Variants in DYNC1I1 observed in about 807,000 individuals in gnomAD.
DYNC1I1 encodes dynein cytoplasmic 1 intermediate chain 1.
Under a neutral mutation model 86.6 loss-of-function variants are expected in DYNC1I1, and 43 were observed. The observed-to-expected ratio is 0.50, with a 90% CI of 0.39 to 0.64. The LOEUF (loss-of-function observed/expected upper bound fraction) is 0.64. Ranked by LOEUF, DYNC1I1 falls within the 30% of genes least tolerant of loss-of-function variation. The pLI, the probability that DYNC1I1 is intolerant of heterozygous loss-of-function variation, is 0.00. For synonymous variants in DYNC1I1, 262 were observed against 283.7 expected, an observed-to-expected ratio of 0.92 and a Z score of 0.77; for missense variants, 604 against 788.8, an observed-to-expected ratio of 0.77 and a Z score of 2.81.
intron 6 of DYNC1I1, among the ~76,000 whole-genome samples, chr7:95,973,394 C>T (rs185357633): frequency 6.6e-6 from 1 of 152,258 alleles, no homozygotes; most frequent in East Asian, 1.9e-4. Context: ...ATTCTGTGAC[C>T]ACTAAAAATT....
intron 10 of DYNC1I1, among the ~76,000 whole-genome samples, chr7:96,015,103 A>G (rs978359619): frequency 4.6e-5 from 7 of 152,146 alleles, no homozygotes; most frequent in Non-Finnish European, 1.0e-4. Flanking sequence ...ATTACTGGGA[A>G]ATCTGTTCCT....
At position 95,987,060 on chromosome 7, in the gene DYNC1I1, G is replaced by C. The variant is rs754041257; in HGVS notation, c.748G>C (p.Val250Leu). Reference sequence around the variant, plus strand: ...CTGATGTTTAAATCCTCCTAGGGATGTTCAGGCTGGAGCCAATCTTTCTTT... The same window carrying C: ...CTGATGTTTAAATCCTCCTAGGGATCTTCAGGCTGGAGCCAATCTTTCTTT... ...GRELEEKDGDVQAGANLSFNR... is the reference protein window; with the variant it reads ...GRELEEKDGDLQAGANLSFNR... Residue 250 changes from valine (V) to leucine (L), a missense_variant, in exon 9 of 17, where the codon GTT becomes CTT. By Grantham distance (32) the Val-to-Leu change is conservative. Transcript: ENST00000447467. The C allele has an allele frequency of 1.9e-6, 3 of 1,613,650 alleles. No homozygotes were observed. Among genetic ancestry groups the C allele is most frequent in the African/African-American group, 2.7e-5 (2 of 74,886 alleles).
chr7:95,883,506 C>T (rs1016706794), intron 6 of DYNC1I1, among the ~76,000 whole-genome samples: 1 of 152,036 alleles, frequency 6.6e-6, no homozygotes, highest in African/African-American at 2.4e-5. Flanking sequence ...ATAGTAGCCC[C>T]GAGGTAGTTT....
At chr7:96,067,055 C>T (rs866730715) in intron 14 of DYNC1I1, among the ~76,000 whole-genome samples, 6 of 152,046 alleles carry the variant, frequency 3.9e-5, no homozygotes, top group South Asian at 2.1e-4. Flanking sequence ...TTTCTGCTAA[C>T]GGCAGGAGAA....
intron 1 of DYNC1I1, among the ~76,000 whole-genome samples, chr7:95,791,282 T>G (rs569614345): frequency 6.6e-6 from 1 of 152,366 alleles, no homozygotes; most frequent in Non-Finnish European, 1.5e-5. Context: ...CTGCATCCTC[T>G]ATCGAGAGAG....
intron 16 of DYNC1I1, among the ~76,000 whole-genome samples, chr7:96,096,813 G>A (rs1484163175): frequency 6.6e-6 from 1 of 152,142 alleles, no homozygotes; most frequent in East Asian, 1.9e-4. Context: ...ACCTTGGTAA[G>A]ATTATTTAAT....
chr7:95,977,673 C>T, intron 7 of DYNC1I1, 72 bp downstream of exon 7: 4 of 1,380,724 alleles, frequency 2.9e-6, no homozygotes, highest in Non-Finnish European at 3.9e-6. Flanking sequence ...ATATAAGAGA[C>T]TATAGAGCTA....
rs570137852 is a variant in DYNC1I1, at chr7:95,910,077, C to G, written c.490+40079C>G. ...TCCTTGCATTGTCCCCACCTTGTCACCCCTATAGGGATGCTGTAAGGATGA... is the reference window on the plus strand; with the variant it reads ...TCCTTGCATTGTCCCCACCTTGTCAGCCCTATAGGGATGCTGTAAGGATGA... On this transcript the variant is annotated intron_variant, in intron 6 of 16. Coordinates refer to ENST00000447467, the MANE Select transcript of DYNC1I1 (RefSeq NM_001135556.2). 3.9e-5 allele frequency among the ~76,000 whole-genome samples: 6 copies of G among 152,284 alleles called. No homozygotes were observed. In the East Asian group the frequency reaches 1.2e-3, roughly 29 times the overall value.
chr7:96,047,662 G>A (rs1157622316), intron 14 of DYNC1I1, among the ~76,000 whole-genome samples: 1 of 152,146 alleles, frequency 6.6e-6, no homozygotes, highest in Non-Finnish European at 1.5e-5. Flanking sequence ...TCAGACATGA[G>A]GCAGTGAACA....
chr7:95,962,834 G>A (rs905802043), intron 6 of DYNC1I1, among the ~76,000 whole-genome samples: 6 of 152,082 alleles, frequency 3.9e-5, no homozygotes, highest in African/African-American at 9.7e-5. Context: ...ATGTGTGATG[G>A]GAAACTATCC....
At chr7:95,832,480 A>G (rs1376928747) in intron 5 of DYNC1I1, among the ~76,000 whole-genome samples, 1 of 151,894 alleles carries the variant, frequency 6.6e-6, no homozygotes, top group East Asian at 1.9e-4. Flanking sequence ...TTGGATATAT[A>G]CCCAGTAATG....
intron 5 of DYNC1I1, among the ~76,000 whole-genome samples, chr7:95,865,145 C>G (rs1284016634): frequency 1.9e-4 from 29 of 152,098 alleles, no homozygotes; most frequent in Admixed American, 1.9e-3. Context: ...AATCTCTGCT[C>G]TAGGATTTCT....
At chr7:95,870,116 G>A in intron 6 of DYNC1I1, 118 bp downstream of exon 6, 1 of 842,614 alleles carries the variant, frequency 1.2e-6, no homozygotes, top group Non-Finnish European at 1.7e-6. Context: ...CAAACATAAT[G>A]ACACTGAAAG....
chr7:96,044,317 T>C (rs1001255609), intron 14 of DYNC1I1, among the ~76,000 whole-genome samples: 1 of 152,230 alleles, frequency 6.6e-6, no homozygotes, highest in Non-Finnish European at 1.5e-5. Flanking sequence ...ATGTCCATTG[T>C]ATTTAGCAAC....
chr7:95,986,344 T>C (rs1019145913), intron 8 of DYNC1I1, among the ~76,000 whole-genome samples: 2 of 152,188 alleles, frequency 1.3e-5, no homozygotes, highest in East Asian at 3.9e-4. Context: ...CATTACTCGA[T>C]GTAAATACTC....
chr7:95,944,929 C>T (rs927037739), intron 6 of DYNC1I1, among the ~76,000 whole-genome samples: 13 of 150,890 alleles, frequency 8.6e-5, no homozygotes, highest in African/African-American at 2.4e-4. Context: ...TGCTAAATGA[C>T]GAGTTAATGG....
At chr7:96,097,379 C>T (rs1017436871) in intron 16 of DYNC1I1, 104 bp from the exon 17 acceptor site, 3 of 1,235,128 alleles carry the variant, frequency 2.4e-6, no homozygotes, top group Admixed American at 2.1e-5. Context: ...AGGGAAACAT[C>T]TGCTTTGGAG....
At chr7:95,971,641 A>C (rs560575182) in intron 6 of DYNC1I1, among the ~76,000 whole-genome samples, 1 of 152,146 alleles carries the variant, frequency 6.6e-6, no homozygotes, top group Non-Finnish European at 1.5e-5. Flanking sequence ...TATTCATTTC[A>C]TAAGCCACAA....
At chr7:95,804,359 G>A (rs751136750) in intron 1 of DYNC1I1, 2 of 1,276,822 alleles carry the variant, frequency 1.6e-6, no homozygotes, top group South Asian at 2.6e-5. Flanking sequence ...CATCTAAATT[G>A]GAAGTCATGA....
Sources: gnomAD v4.1 joint callset for allele counts (sites outside exome capture counted in the v4.1 genomes callset) on GRCh38, gnomAD v4.1.1 for gene constraint, MANE v1.5 for transcripts, NCBI Gene and HGNC (gene_info 2026-07-23, HGNC 2026-07-21) for gene names.